Variants in SLC24A4 observed in about 807,000 individuals in gnomAD.
The protein encoded by SLC24A4 is sodium/potassium/calcium exchanger 4.
A neutral mutation model predicts 79.0 loss-of-function variants in SLC24A4; 53 were observed. That is an observed-to-expected ratio of 0.67 (90% confidence interval 0.54 to 0.84). SLC24A4 has a LOEUF of 0.84. Among genes scored for constraint, SLC24A4 ranks in the 40% least tolerant of loss-of-function variants. SLC24A4 has a pLI of 0.00. For synonymous variants in SLC24A4, 323 were observed against 323.8 expected, an observed-to-expected ratio of 1.00 and a Z score of 0.03; for missense variants, 731 against 822.0, an observed-to-expected ratio of 0.89 and a Z score of 1.35.
intron 2 of SLC24A4, among the ~76,000 whole-genome samples, chr14:92,365,926 C>T (rs965264820): frequency 2.6e-5 from 4 of 152,124 alleles, no homozygotes; most frequent in African/African-American, 7.2e-5. Context: ...CTCCATGCTG[C>T]GTGTACTAAG....
chr14:92,393,054 C>T (rs749551501), intron 2 of SLC24A4, among the ~76,000 whole-genome samples: 1 of 152,202 alleles, frequency 6.6e-6, no homozygotes. Context: ...ACGTGGGAGG[C>T]GCCATCTATG....
chr14:92,442,048 C>T (rs1382867924), intron 4 of SLC24A4, 41 bp from the exon 5 acceptor site: 2 of 1,514,096 alleles, frequency 1.3e-6, no homozygotes, highest in Admixed American at 3.4e-5. Context: ...TCCAGTACCC[C>T]CACGTCACAC....
chr14:92,460,098 T>A (rs915271879), intron 12 of SLC24A4, among the ~76,000 whole-genome samples: 7 of 152,042 alleles, frequency 4.6e-5, no homozygotes, highest in African/African-American at 1.7e-4. Flanking sequence ...TAGCTTCGGG[T>A]GTCAAGGAAT....
At chr14:92,442,201 C>A in intron 5 of SLC24A4, 28 bp downstream of exon 5, 1 of 1,593,758 alleles carries the variant, frequency 6.3e-7, no homozygotes, top group Non-Finnish European at 8.6e-7. Context: ...GCCTGAGACA[C>A]AGGATCTAGA....
In SLC24A4 at chr14:92,432,024, G is replaced by C. The variant is rs1005951274; in HGVS notation, c.242-1888G>C. Among the ~76,000 whole-genome samples, 4 of 152,320 alleles carry C rather than the reference G, an allele frequency of 2.6e-5. 1 individual carries two copies. In the Middle Eastern group the frequency reaches 0.01, roughly 389 times the overall value. ...CTCACCTGAAAACAGGAACGTTGAT[G>C]GCTCTAGTGCCTGCCTTGTGGGTTC... On this transcript the variant is annotated intron_variant, in intron 2 of 16. Coordinates refer to ENST00000532405, the MANE Select transcript of SLC24A4 (RefSeq NM_153646.4).
At chr14:92,469,158 G>C (rs1387576368) in intron 12 of SLC24A4, among the ~76,000 whole-genome samples, 1 of 152,140 alleles carries the variant, frequency 6.6e-6, no homozygotes, top group Non-Finnish European at 1.5e-5. Context: ...ACAATAACAA[G>C]TACTGGTGAG....
In SLC24A4 at chr14:92,366,096, T is replaced by C. The variant is rs1216857707; in HGVS notation, c.241+40118T>C. On this transcript the variant is annotated intron_variant, in intron 2 of 16. Coordinates refer to ENST00000532405, the MANE Select transcript of SLC24A4 (RefSeq NM_153646.4). ...TATTTCCATTTTTCAGATGAGAAAATTGTGGTGCCGGGAAGCCAAGTCATT... is the reference window on the plus strand; with the variant it reads ...TATTTCCATTTTTCAGATGAGAAAACTGTGGTGCCGGGAAGCCAAGTCATT... 5.3e-5 allele frequency among the ~76,000 whole-genome samples: 8 copies of C among 152,284 alleles called. No homozygotes were observed. The East Asian group carries it at 1.4e-3, about 26-fold the overall frequency.
At chr14:92,333,697 A>G (rs1885610945) in intron 2 of SLC24A4, among the ~76,000 whole-genome samples, 1 of 152,220 alleles carries the variant, frequency 6.6e-6, no homozygotes, top group Non-Finnish European at 1.5e-5. Flanking sequence ...GTAGCATTTC[A>G]GGGGAGCAGA....
intron 2 of SLC24A4, among the ~76,000 whole-genome samples, chr14:92,340,360 C>A (rs1002669851): frequency 6.6e-6 from 1 of 152,242 alleles, no homozygotes; most frequent in African/African-American, 2.4e-5. Context: ...TGGCTGGAAG[C>A]CTTCACAGAG....
rs893303140 is a variant in SLC24A4, at chr14:92,495,873, C to A, written c.*2245C>A. ...CAAAACCTCATCAATATATCATTGA[C>A]TCCTGGGTTCCTCAGGTCATTTCCT... On this transcript the variant is annotated 3_prime_UTR_variant, in exon 17 of 17. Transcript: ENST00000532405. 1 of 152,216 alleles carries A rather than the reference C, an allele frequency of 6.6e-6. No individual in the cohort carries two copies. Among genetic ancestry groups the A allele is most frequent in the Non-Finnish European group, 1.5e-5 (1 of 68,036 alleles). The allele number at this position is 152,216 out of a possible 1,614,324, so 9.4% of individuals were successfully genotyped here. A position where few individuals can be genotyped will look rare whatever the true frequency, so the allele number is the denominator to read the frequency against.
intron 13 of SLC24A4, chr14:92,483,797 C>T: frequency 7.8e-7 from 1 of 1,290,074 alleles, no homozygotes; most frequent in Non-Finnish European, 1.0e-6. Flanking sequence ...CTCTCAGCCC[C>T]TTACACCCTA....
At chr14:92,474,031 C>A (rs1000536445) in intron 12 of SLC24A4, among the ~76,000 whole-genome samples, 26 of 152,176 alleles carry the variant, frequency 1.7e-4, no homozygotes, top group Admixed American at 6.5e-5. Flanking sequence ...TTCAAGGCTG[C>A]CCAAGCCTCT....
intron 12 of SLC24A4, among the ~76,000 whole-genome samples, chr14:92,457,991 A>G (rs1893580265): frequency 6.6e-6 from 1 of 152,176 alleles, no homozygotes; most frequent in African/African-American, 2.4e-5. Context: ...CCGCATGAAG[A>G]TGCAGGTTTC....
In SLC24A4 at chr14:92,456,391, C is replaced by G. The variant is rs541104919; in HGVS notation, c.1051-13C>G. 9 of 1,614,106 alleles carry G rather than the reference C, an allele frequency of 5.6e-6. No individual in the cohort carries two copies. The Admixed American group carries it at 1.5e-4, about 27-fold the overall frequency. The stretch of plus-strand genomic sequence containing the variant: ...ACATGCCTTGGTGTCCATGTTGCCT[C>G]CTGTCCACACAGCGGCAGAGACTGA... On this transcript the variant is annotated splice_polypyrimidine_tract_variant and intron_variant, in intron 11 of 16. Transcript: ENST00000532405.
At chr14:92,330,454 G>A (rs145364363) in intron 2 of SLC24A4, among the ~76,000 whole-genome samples, 2 of 152,300 alleles carry the variant, frequency 1.3e-5, no homozygotes, top group South Asian at 2.1e-4. Context: ...GGCCTTAGAT[G>A]TTTATTTTCA....
chr14:92,333,862 C>T (rs575673201), intron 2 of SLC24A4, among the ~76,000 whole-genome samples: 2 of 152,064 alleles, frequency 1.3e-5, no homozygotes, highest in East Asian at 1.9e-4. Context: ...ACCCTGGGCA[C>T]GGGAGCTGAC....
intron 2 of SLC24A4, among the ~76,000 whole-genome samples, chr14:92,333,900 A>C (rs1213512145): frequency 6.6e-6 from 1 of 151,964 alleles, no homozygotes; most frequent in African/African-American, 2.4e-5. Flanking sequence ...AGGAGATGAG[A>C]TCACCAAGCA....
At chr14:92,485,441 G>C (rs987719704) in intron 13 of SLC24A4, among the ~76,000 whole-genome samples, 1 of 151,994 alleles carries the variant, frequency 6.6e-6, no homozygotes, top group Non-Finnish European at 1.5e-5. Flanking sequence ...CTCCAGCCTG[G>C]GCTATGGAGC....
chr14:92,446,183 T>A (rs1158896998), intron 8 of SLC24A4, among the ~76,000 whole-genome samples: 1 of 152,210 alleles, frequency 6.6e-6, no homozygotes, highest in African/African-American at 2.4e-5. Context: ...TATGTTTTTT[T>A]TTTTTTGAGA....
Sources: allele counts gnomAD v4.1 joint callset (sites outside exome capture counted in the v4.1 genomes callset), GRCh38; gene constraint gnomAD v4.1.1; transcripts MANE v1.5; gene names NCBI Gene and HGNC (gene_info 2026-07-23, HGNC 2026-07-21).